Variants in SDK2 observed in about 807,000 individuals in gnomAD.
SDK2 encodes the protein protein sidekick-2.
Under a neutral mutation model 253.9 loss-of-function variants are expected in SDK2, and 105 were observed. The ratio of observed to expected loss-of-function variants is 0.41; its 90% CI spans 0.35 to 0.49. SDK2 has a LOEUF of 0.49. SDK2 is among the 20% of genes least tolerant of loss of function. SDK2 has a pLI of 0.06. For synonymous variants in SDK2, 1,249 were observed against 1,234.9 expected (o/e 1.01, Z -0.24); for missense variants, 2,608 against 3,003.0 (o/e 0.87, Z 3.07).
At chr17:73,479,041 G>A (rs1258295900) in intron 2 of SDK2, among the ~76,000 whole-genome samples, 1 of 152,240 alleles carries the variant, frequency 6.6e-6, no homozygotes, top group Non-Finnish European at 1.5e-5. Context: ...CCACCTCCCT[G>A]CAAACTCATA....
Position 73,472,116 on chromosome 17 carries a change from C to T in SDK2, c.327G>A (p.Val109=), listed in dbSNP as rs1567792562. The change falls in exon 3 of 45, where the codon GTG becomes GTA. Residue 109 remains valine, a synonymous_variant. Coordinates refer to ENST00000392650, the MANE Select transcript of SDK2 (RefSeq NM_001144952.2). ...ALLQRQTEVQ[V]AYMGSFEEGE... ...CTGGGTCCCCATTGTACTCACAGGC[C>T]ACCTGGACCTCGGTTTGCCGCTGCA... 1 of 1,551,084 alleles carries T rather than the reference C, an allele frequency of 6.4e-7. No homozygotes were observed. Among genetic ancestry groups the T allele is most frequent in the Non-Finnish European group, 8.7e-7 (1 of 1,146,642 alleles).
intron 1 of SDK2, among the ~76,000 whole-genome samples, chr17:73,619,591 A>G (rs963818221): frequency 2.6e-5 from 4 of 152,234 alleles, no homozygotes; most frequent in African/African-American, 7.2e-5. Flanking sequence ...AAAGGAACTC[A>G]AAATGGATCA....
chr17:73,643,973 C>T lies in SDK2; in HGVS notation c.64+52G>A. ...CCGGCCAGCTCCCGCCGCCCCTCCC[C>T]CGCCCACTCTCCCAGCCCCCTCCCT... On this transcript the variant is annotated intron_variant, in intron 1 of 44. Transcript: ENST00000392650. This position sits in a 1 kb window ranked among gnomAD's most constrained non-coding sequence, Gnocchi z 6.9. 2 of 1,078,176 alleles carry T rather than the reference C, an allele frequency of 1.9e-6. No individual in the cohort carries two copies. The highest frequency in any genetic ancestry group is 2.8e-6 in the Non-Finnish European group (2 of 726,964). The allele number at this position is 1,078,176 out of a possible 1,614,324, so 66.8% of individuals were successfully genotyped here. A position where few individuals can be genotyped will look rare whatever the true frequency, so the allele number is the denominator to read the frequency against.
At chr17:73,626,251 C>T (rs1347294168) in intron 1 of SDK2, among the ~76,000 whole-genome samples, 1 of 152,228 alleles carries the variant, frequency 6.6e-6, no homozygotes, top group Non-Finnish European at 1.5e-5. Context: ...CCAAGTCCTC[C>T]TCTCTTGTCT....
intron 38 of SDK2, among the ~76,000 whole-genome samples, chr17:73,364,683 G>A (rs563140876): frequency 4.6e-5 from 7 of 152,212 alleles, no homozygotes; most frequent in East Asian, 1.9e-4. Flanking sequence ...GTGCAGTGGC[G>A]TGATCCCGGC....
At chr17:73,588,915 G>A (rs1261932126) in intron 1 of SDK2, among the ~76,000 whole-genome samples, 3 of 152,226 alleles carry the variant, frequency 2.0e-5, no homozygotes, top group Non-Finnish European at 4.4e-5. Flanking sequence ...TACAGAAGGC[G>A]CCAGATGCCT....
chr17:73,535,183 C>T (rs1321168209), intron 1 of SDK2, among the ~76,000 whole-genome samples: 2 of 152,134 alleles, frequency 1.3e-5, no homozygotes, highest in African/African-American at 4.8e-5. Flanking sequence ...GCTGCCCTCT[C>T]TTGTGAATAG....
chr17:73,591,418 G>A (rs767072049), intron 1 of SDK2, among the ~76,000 whole-genome samples: 1 of 152,022 alleles, frequency 6.6e-6, no homozygotes, highest in Non-Finnish European at 1.5e-5. Flanking sequence ...CTGCTCCCCC[G>A]GCCACCAGCA....
intron 18 of SDK2, among the ~76,000 whole-genome samples, chr17:73,408,881 G>C (rs1437210225): frequency 6.6e-6 from 1 of 152,206 alleles, no homozygotes; most frequent in East Asian, 1.9e-4. Context: ...TTTGAAGGCT[G>C]ACTGGATATC....
chr17:73,544,132 G>A (rs151035024), intron 1 of SDK2, among the ~76,000 whole-genome samples: 104 of 152,310 alleles, frequency 6.8e-4, no homozygotes, highest in African/African-American at 2.4e-3. Flanking sequence ...CCATAATGAC[G>A]GTCCCCTGTA....
chr17:73,415,141 C>T (rs926218694), intron 17 of SDK2, among the ~76,000 whole-genome samples: 1 of 152,160 alleles, frequency 6.6e-6, no homozygotes, highest in Non-Finnish European at 1.5e-5. Context: ...CCTCCTCTTC[C>T]TCTTCCCCTC....
chr17:73,454,690 T>C (rs775479407), intron 4 of SDK2, among the ~76,000 whole-genome samples: 11 of 152,202 alleles, frequency 7.2e-5, no homozygotes, highest in Non-Finnish European at 1.0e-4. Flanking sequence ...GCTGCTATTA[T>C]GATGATGGTG....
intron 30 of SDK2, 138 bp downstream of exon 30, chr17:73,387,698 G>A (rs1025164583): frequency 1.4e-5 from 10 of 711,498 alleles, no homozygotes; most frequent in Admixed American, 2.9e-5. Context: ...CGCGGGGGCC[G>A]CCTGGGTGGT....
chr17:73,356,234 G>A (rs1480041103), intron 40 of SDK2, among the ~76,000 whole-genome samples: 3 of 152,162 alleles, frequency 2.0e-5, no homozygotes, highest in Non-Finnish European at 2.9e-5. Flanking sequence ...GGATCATTGA[G>A]GCCCCTGCTG....
chr17:73,343,726 G>T (rs2062459019), intron 44 of SDK2, among the ~76,000 whole-genome samples: 2 of 152,236 alleles, frequency 1.3e-5, no homozygotes, highest in South Asian at 2.1e-4. Context: ...GGAGAAAAGA[G>T]GAAGCAAAGC....
chr17:73,344,345 C>A (rs913415825), intron 44 of SDK2, among the ~76,000 whole-genome samples: 3 of 152,190 alleles, frequency 2.0e-5, no homozygotes, highest in African/African-American at 7.2e-5. Flanking sequence ...GGTCAGGAGG[C>A]TCAAGGGAGG....
rs1252526289 is a variant in SDK2 at position 73,430,553 on chromosome 17, G to T, written c.1541C>A (p.Ser514Tyr). The T allele has an allele frequency of 8.7e-6, 14 of 1,605,252 alleles. No individual in the cohort carries two copies. The highest frequency in any genetic ancestry group is 1.2e-5 in the Non-Finnish European group (14 of 1,175,694). The change falls in exon 12 of 45, where the codon TCC becomes TAC. Residue 514 changes from serine to tyrosine, a missense_variant. Ser to Tyr is a moderately radical substitution (Grantham distance 144, BLOSUM62 -2). This residue lies in a region of SDK2 where 1,505 missense variants were observed against 1,859.1 expected (regional missense o/e 0.81). Transcript: ENST00000392650. ...GTCGTGGGTCACTCCGCACACCATG[G>T]AGGCCTGGGTGCCCTTGATGACACT... The part of the protein sequence containing the change: ...DQSVIKGTQA[S>Y]MVCGVTHDPR...
intron 1 of SDK2, among the ~76,000 whole-genome samples, chr17:73,510,033 C>T (rs1221179598): frequency 2.6e-5 from 4 of 151,718 alleles, no homozygotes; most frequent in African/African-American, 9.7e-5. Context: ...CAGGTGGTAG[C>T]TGGCTGTGGC....
chr17:73,416,266 G>A (rs190082612), intron 16 of SDK2, among the ~76,000 whole-genome samples: 2 of 147,024 alleles, frequency 1.4e-5, no homozygotes, highest in South Asian at 2.1e-4. Context: ...GCGCAATCTC[G>A]GCTCACTGCA....
Sources: gnomAD v4.1 joint callset for allele counts (sites outside exome capture counted in the v4.1 genomes callset) on GRCh38, gnomAD v4.1.1 for gene constraint, gnomAD v4.1.1 regional missense constraint, Gnocchi (gnomAD v3.1) non-coding constraint, MANE v1.5 for transcripts, NCBI Gene and HGNC (gene_info 2026-07-23, HGNC 2026-07-21) for gene names.